SLC28A3: variants seen among roughly 807,000 people sequenced by gnomAD.
The protein encoded by SLC28A3 is solute carrier family 28 member 3.
SLC28A3 carries 68 observed loss-of-function variants against 84.2 expected under a neutral mutation model. The ratio of observed to expected loss-of-function variants is 0.81; its 90% CI spans 0.66 to 0.99. SLC28A3 has a LOEUF of 0.99. Among genes scored for constraint, SLC28A3 ranks in the 50% least tolerant of loss-of-function variants. SLC28A3 has a pLI of 0.00. For synonymous variants in SLC28A3, 267 were observed against 303.6 expected (o/e 0.88, Z 1.25); for missense variants, 712 against 841.5 (o/e 0.85, Z 1.90).
upstream of SLC28A3, among the ~76,000 whole-genome samples, chr9:84,345,455 A>G (rs986412687): frequency 6.6e-6 from 1 of 152,232 alleles, no homozygotes; most frequent in African/African-American, 2.4e-5. Flanking sequence ...TCTATCATTT[A>G]AAGCCTCTAA....
the SLC28A3 span, among the ~76,000 whole-genome samples, chr9:84,349,660 C>T: frequency 0.15 from 22,373 of 152,174 alleles, 1,744 homozygotes; most frequent in South Asian, 0.24. Context: ...TTTTTGAAAA[C>T]CTTGAGTTGA....
At chr9:84,353,608 G>A in the SLC28A3 span, among the ~76,000 whole-genome samples, 1 of 152,292 alleles carries the variant, frequency 6.6e-6, no homozygotes, top group African/African-American at 2.4e-5. Flanking sequence ...TACTTGGGAG[G>A]CTGAGGCAGG....
chr9:84,319,848 ACT>A (rs1253221158), intron 1 of SLC28A3, among the ~76,000 whole-genome samples: 2 of 151,898 alleles, frequency 1.3e-5, no homozygotes, highest in Non-Finnish European at 2.9e-5. Context: ...TTCACTCATG[ACT>A]CTGCCAGCCA....
chr9:84,296,063 G>C (rs968476744), intron 8 of SLC28A3, among the ~76,000 whole-genome samples: 5 of 152,210 alleles, frequency 3.3e-5, no homozygotes, highest in African/African-American at 1.2e-4. Flanking sequence ...CCCTGGAAGA[G>C]GGGAGGGGGA....
At chr9:84,293,881 A>G (rs1031253309) in intron 9 of SLC28A3, among the ~76,000 whole-genome samples, 3 of 152,226 alleles carry the variant, frequency 2.0e-5, no homozygotes, top group Admixed American at 2.0e-4. Flanking sequence ...CGGTTAACCA[A>G]GATGAAGGAA....
intron 3 of SLC28A3, among the ~76,000 whole-genome samples, chr9:84,306,746 T>G (rs965378722): frequency 1.3e-5 from 2 of 152,042 alleles, no homozygotes; most frequent in Admixed American, 6.6e-5. Context: ...TCAACAGACA[T>G]GTATTGATTG....
upstream of SLC28A3, among the ~76,000 whole-genome samples, chr9:84,345,411 C>T (rs1248762541): frequency 3.3e-5 from 5 of 152,172 alleles, no homozygotes; most frequent in Non-Finnish European, 7.3e-5. Context: ...ATGGATGATC[C>T]TTACTTTCTG....
At chr9:84,307,445 A>AG (rs1554726630) in intron 3 of SLC28A3, among the ~76,000 whole-genome samples, 4 of 146,462 alleles carry the variant, frequency 2.7e-5, no homozygotes, top group East Asian at 2.0e-4. Context: ...AAAAAAAAAA[A>AG]CAAAAACAAA....
At chr9:84,346,804 G>A in the SLC28A3 span, among the ~76,000 whole-genome samples, 30 of 152,044 alleles carry the variant, frequency 2.0e-4, no homozygotes, top group African/African-American at 7.0e-4. Flanking sequence ...GCCAAAGACT[G>A]GCCATAGAAT....
chr9:84,336,237 C>T (rs1826972448), intron 1 of SLC28A3, among the ~76,000 whole-genome samples: 1 of 152,114 alleles, frequency 6.6e-6, no homozygotes, highest in Non-Finnish European at 1.5e-5. Flanking sequence ...CACGGTGGCT[C>T]ACGCCTGTAA....
Position 84,285,521 on chromosome 9 carries a change from T to C in SLC28A3, c.1471A>G (p.Met491Val), listed in dbSNP as rs749638656. 5.0e-6 allele frequency: 8 copies of C among 1,614,098 alleles called. No individual in the cohort carries two copies. In the Admixed American group the frequency reaches 1.3e-4, roughly 27 times the overall value. Residue 491 changes from methionine to valine, a missense_variant, in exon 14 of 18, where the codon ATG becomes GTG. Coordinates refer to ENST00000376238, the MANE Select transcript of SLC28A3 (RefSeq NM_001199633.2). Reference sequence around the variant, plus strand: ...ACTCCCATCATGAAGGAAAAGGGCATGAAGATGTAGGAGCAGATTAGCTAC... The same window carrying C: ...ACTCCCATCATGAAGGAAAAGGGCACGAAGATGTAGGAGCAGATTAGCTAC... ...SFELICSYIF[M>V]PFSFMMGVEW... is the part of the protein sequence containing the mutation.
upstream of SLC28A3, among the ~76,000 whole-genome samples, chr9:84,342,143 AAGAAAAG>A (rs1303187325): frequency 5.2e-5 from 7 of 133,350 alleles, no homozygotes; most frequent in African/African-American, 2.1e-4. Flanking sequence ...AAAAAAAAAA[AAGAAAAG>A]AAAAAGAAAA....
intron 1 of SLC28A3, among the ~76,000 whole-genome samples, chr9:84,329,510 G>A (rs12000457): frequency 0.11 from 16,321 of 152,148 alleles, 2,748 homozygotes; most frequent in African/African-American, 0.36. Flanking sequence ...GAAAGATAAT[G>A]TGTCTTCCCC....
intron 1 of SLC28A3, among the ~76,000 whole-genome samples, chr9:84,320,664 C>G (rs1372176760): frequency 6.6e-6 from 1 of 152,060 alleles, no homozygotes; most frequent in African/African-American, 2.4e-5. Context: ...TGGGGGATTG[C>G]ATATGTGGTC....
chr9:84,364,117 ACT>A, the SLC28A3 span, among the ~76,000 whole-genome samples: 1 of 123,524 alleles, frequency 8.1e-6, no homozygotes, highest in Non-Finnish European at 1.7e-5. Context: ...ATCCAGTTAC[ACT>A]CTTTTTTTTT....
In SLC28A3 at chr9:84,278,331, C is replaced by A. The variant is rs1446167536; in HGVS notation, c.1963G>T (p.Gly655Cys). Residue 655 changes from glycine (G) to cysteine (C), a missense_variant, in exon 18 of 18, where the codon GGT becomes TGT. Physicochemically the swap from Gly to Cys is radical, Grantham distance 159. Coordinates refer to ENST00000376238, the MANE Select transcript of SLC28A3 (RefSeq NM_001199633.2). ...QSLLSSTVAK[G>C]PGEVIPGGNH... ...CCTCCTGGGATGACTTCACCAGGAC[C>A]CTTGGCAACAGTGCTGGTGGAAAGT... The A allele has an allele frequency of 6.2e-7, 1 of 1,613,854 alleles. No individual in the cohort carries two copies. The highest frequency in any genetic ancestry group is 8.5e-7 in the Non-Finnish European group (1 of 1,179,980).
At chr9:84,290,332 G>T in intron 10 of SLC28A3, 53 bp from the exon 11 acceptor site, 1 of 1,595,858 alleles carries the variant, frequency 6.3e-7, no homozygotes, top group South Asian at 1.1e-5. Context: ...GTGGGGGCAG[G>T]GGAAGGCATG....
chr9:84,368,529 T>G, the SLC28A3 span, among the ~76,000 whole-genome samples: 1 of 152,124 alleles, frequency 6.6e-6, no homozygotes, highest in South Asian at 2.1e-4. Flanking sequence ...GACTGGGTCC[T>G]TTCCTTCAAG....
intron 1 of SLC28A3, among the ~76,000 whole-genome samples, chr9:84,326,857 A>T (rs942597002): frequency 4.6e-5 from 7 of 151,792 alleles, no homozygotes; most frequent in African/African-American, 1.7e-4. Flanking sequence ...AATACCAAAA[A>T]ATTTAGCCAG....
Sources: gnomAD v4.1 joint callset for allele counts (sites outside exome capture counted in the v4.1 genomes callset) on GRCh38, gnomAD v4.1.1 for gene constraint, MANE v1.5 for transcripts, NCBI Gene and HGNC (gene_info 2026-07-23, HGNC 2026-07-21) for gene names.